GDI2: variants seen among roughly 807,000 people sequenced by gnomAD.
GDI2 encodes the protein rab GDP dissociation inhibitor beta.
A neutral mutation model predicts 54.2 loss-of-function variants in GDI2; 22 were observed. The observed-to-expected ratio is 0.41, with a 90% CI of 0.29 to 0.58. GDI2 has a LOEUF of 0.58. GDI2 is among the 20% of genes least tolerant of loss of function. The pLI is 0.35. For missense variants in GDI2, 422 were observed against 546.0 expected (o/e 0.77, Z 2.26); for synonymous variants, 177 against 182.1 (o/e 0.97, Z 0.23).
intron 1 of GDI2, among the ~76,000 whole-genome samples, chr10:5,812,122 A>G (rs185964989): frequency 6.6e-6 from 1 of 151,952 alleles, no homozygotes. Flanking sequence ...CAAGCAGCCC[A>G]AAGTTAGAAT....
intron 6 of GDI2, among the ~76,000 whole-genome samples, chr10:5,782,027 C>T (rs1208557743): frequency 1.3e-5 from 2 of 152,056 alleles, no homozygotes; most frequent in African/African-American, 2.4e-5. Flanking sequence ...AAAAAGTTAA[C>T]ACTTATGCTT....
At chr10:5,800,322 G>A (rs141018645) in intron 2 of GDI2, among the ~76,000 whole-genome samples, 3 of 152,202 alleles carry the variant, frequency 2.0e-5, no homozygotes, top group Non-Finnish European at 4.4e-5. Flanking sequence ...AAAGCCATGA[G>A]GAAAGCACTG....
At chr10:5,800,735 A>G (rs760517204) in intron 1 of GDI2, 30 bp from the exon 2 acceptor site, 16 of 1,055,598 alleles carry the variant, frequency 1.5e-5, no homozygotes, top group Non-Finnish European at 2.4e-5. Context: ...CCTTGAAAAG[A>G]AAGTTCTACA....
chr10:5,778,393 C>T (rs1840673992), intron 6 of GDI2, among the ~76,000 whole-genome samples: 1 of 152,158 alleles, frequency 6.6e-6, no homozygotes, highest in Non-Finnish European at 1.5e-5. Context: ...TTGAAACATG[C>T]TTTCTTTCAT....
Position 5,766,822 on chromosome 10 carries a change from A to T in GDI2, c.992-184T>A, listed in dbSNP as rs1270137643. 1.3e-5 allele frequency among the ~76,000 whole-genome samples: 2 copies of T among 152,216 alleles called. No homozygotes were observed. Among genetic ancestry groups the T allele is most frequent in the African/African-American group, 4.8e-5 (2 of 41,458 alleles). ...AAGTACACAGATATTTAACAATAGG[A>T]ATTTCTTTTAACCTACTAGAGATTA... On this transcript the variant is annotated intron_variant, in intron 8 of 10. Transcript: ENST00000380191. The surrounding 1 kb of genome is among the most constrained non-coding windows in gnomAD (Gnocchi z 5.8).
intron 7 of GDI2, among the ~76,000 whole-genome samples, chr10:5,770,964 A>C (rs893094534): frequency 1.9e-5 from 1 of 53,938 alleles, no homozygotes; most frequent in African/African-American, 8.6e-5. Flanking sequence ...AGACTGTCTC[A>C]AAAAAAAAAA....
At chr10:5,772,764 A>G (rs1200665619) in intron 7 of GDI2, among the ~76,000 whole-genome samples, 1 of 152,146 alleles carries the variant, frequency 6.6e-6, no homozygotes, top group Non-Finnish European at 1.5e-5. Flanking sequence ...GATGTCTCAA[A>G]TAAATAAATA....
intron 6 of GDI2, among the ~76,000 whole-genome samples, chr10:5,784,553 CTAT>C (rs558801880): frequency 4.5e-4 from 68 of 152,284 alleles, no homozygotes; most frequent in African/African-American, 1.6e-3. Context: ...TCTGGATAGA[CTAT>C]GTCAGAGGGA....
In GDI2 at chr10:5,776,520, A is replaced by T; in HGVS notation, c.720-2579T>A. 6.8e-7 allele frequency: 1 copy of T among 1,460,990 alleles called. No individual in the cohort carries two copies. The highest frequency in any genetic ancestry group is 2.3e-5 in the East Asian group (1 of 43,894). 90.5% of individuals were successfully genotyped at this position (1,460,990 alleles called of 1,614,324 possible). A position where few individuals can be genotyped will look rare whatever the true frequency, so the allele number is the denominator to read the frequency against. ...CAAAGGCCCGAAAGATAAAACAATT[A>T]TAGAGAAGCAGATTTGAAGAGGCAT... On this transcript the variant is annotated intron_variant, in intron 6 of 10. Transcript: ENST00000380191. The surrounding 1 kb of genome is among the most constrained non-coding windows in gnomAD (Gnocchi z 5.3).
chr10:5,789,765 A>C (rs540762625), intron 4 of GDI2, among the ~76,000 whole-genome samples: 32 of 152,224 alleles, frequency 2.1e-4, no homozygotes, highest in Non-Finnish European at 3.4e-4. Context: ...TAGGCACACA[A>C]ACACAGACCA....
chr10:5,811,250 T>C (rs1564401458), intron 1 of GDI2, among the ~76,000 whole-genome samples: 1 of 152,148 alleles, frequency 6.6e-6, no homozygotes, highest in African/African-American at 2.4e-5. Context: ...TCAGAAAACT[T>C]AGGAAGGCTC....
At chr10:5,779,606 TAGC>T (rs1840705729) in intron 6 of GDI2, among the ~76,000 whole-genome samples, 1 of 149,872 alleles carries the variant, frequency 6.7e-6, no homozygotes, top group South Asian at 2.1e-4. Flanking sequence ...CTATTGAAAA[TAGC>T]AGAAAAGGTC....
intron 4 of GDI2, among the ~76,000 whole-genome samples, chr10:5,788,826 G>A (rs548344622): frequency 7.9e-5 from 12 of 151,868 alleles, no homozygotes; most frequent in Admixed American, 4.6e-4. Flanking sequence ...GCAGTGGCGC[G>A]ATTTCGGCTC....
intron 6 of GDI2, among the ~76,000 whole-genome samples, chr10:5,780,201 C>G (rs1055099122): frequency 2.5e-4 from 35 of 139,610 alleles, no homozygotes; most frequent in Non-Finnish European, 4.7e-4. Flanking sequence ...AGAGTAAGAT[C>G]GTGTCTCCAA....
At position 5,766,285 on chromosome 10, in the gene GDI2, T is replaced by C. The variant is rs766972095; in HGVS notation, c.1147A>G (p.Ile383Val). 3.1e-6 allele frequency: 5 copies of C among 1,613,188 alleles called. No individual in the cohort carries two copies. The highest frequency in any genetic ancestry group is 3.4e-6 in the Non-Finnish European group (4 of 1,179,124). The change falls in exon 10 of 11, where the codon ATC (isoleucine) becomes GTC (valine). Residue 383 changes from isoleucine to valine, a missense_variant. Coordinates refer to ENST00000380191, the MANE Select transcript of GDI2 (RefSeq NM_001494.4). The surrounding 1 kb of genome is among the most constrained non-coding windows in gnomAD (Gnocchi z 5.8). ...TCTTTTGGTACCAGGAGGTCACTGA[T>C]GCTAACAAATCTGGAGGGAGAGAGA... Reference protein sequence around the residue: ...LEPIEQKFVSISDLLVPKDLG... With the variant: ...LEPIEQKFVSVSDLLVPKDLG...
intron 4 of GDI2, among the ~76,000 whole-genome samples, chr10:5,790,559 T>A (rs1564394834): frequency 6.6e-6 from 1 of 152,040 alleles, no homozygotes; most frequent in African/African-American, 2.4e-5. Context: ...GGCAGGAGAA[T>A]CGCTTGAACT....
At chr10:5,770,889 C>G (rs1320621079) in intron 7 of GDI2, among the ~76,000 whole-genome samples, 1 of 137,468 alleles carries the variant, frequency 7.3e-6, no homozygotes, top group Non-Finnish European at 1.5e-5. Context: ...TTGCTTGAAC[C>G]TAGGAGGCAG....
At chr10:5,804,217 C>A (rs540621478) in intron 1 of GDI2, among the ~76,000 whole-genome samples, 1 of 152,052 alleles carries the variant, frequency 6.6e-6, no homozygotes, top group Non-Finnish European at 1.5e-5. Flanking sequence ...CCTCAGCCTC[C>A]TAAATAGCTG....
intron 7 of GDI2, among the ~76,000 whole-genome samples, chr10:5,773,505 G>C (rs1253357163): frequency 6.6e-6 from 1 of 152,050 alleles, no homozygotes; most frequent in East Asian, 1.9e-4. Context: ...GAGAAATGCT[G>C]CTCAAAACCC....
Sources: allele counts gnomAD v4.1 joint callset (sites outside exome capture counted in the v4.1 genomes callset), GRCh38; gene constraint gnomAD v4.1.1; non-coding constraint Gnocchi (gnomAD v3.1); transcripts MANE v1.5; gene names NCBI Gene and HGNC (gene_info 2026-07-23, HGNC 2026-07-21).